Variants in WDR19 observed in about 807,000 individuals in gnomAD.
WDR19 encodes WD repeat-containing protein 19.
In WDR19, 121 loss-of-function variants were observed where a neutral mutation model predicts 180.0. The observed-to-expected ratio is 0.67, with a 90% confidence interval of 0.58 to 0.78. WDR19 has a LOEUF of 0.78. WDR19 is among the 30% of genes least tolerant of loss of function. The pLI, the probability that WDR19 is intolerant of heterozygous loss-of-function variation, is 0.00. For synonymous variants in WDR19, 497 were observed against 540.7 expected (o/e 0.92, Z 1.12); for missense variants, 1,450 against 1,640.7 (o/e 0.88, Z 2.01).
At chr4:39,256,222 A>G (rs564037558) in intron 27 of WDR19, among the ~76,000 whole-genome samples, 15 of 152,108 alleles carry the variant, frequency 9.9e-5, no homozygotes, top group Non-Finnish European at 2.1e-4. Flanking sequence ...GCTTCTGATT[A>G]TTGCAGTAGT....
At chr4:39,278,066 AAT>A in intron 34 of WDR19, 63 bp from the exon 35 acceptor site, 2 of 1,416,200 alleles carry the variant, frequency 1.4e-6, no homozygotes, top group Non-Finnish European at 9.6e-7. Flanking sequence ...AAAAAAAAAA[AAT>A]TGACTAACAG....
At chr4:39,215,293 TTTTCTTTGTTTCTTTC>T (rs1449213430) in intron 10 of WDR19, among the ~76,000 whole-genome samples, 3 of 145,366 alleles carry the variant, frequency 2.1e-5, no homozygotes, top group Non-Finnish European at 3.1e-5. Flanking sequence ...ATTTACTACC[TTTTCTTTGTTTCTTTC>T]TTTCTTTCTT....
At chr4:39,262,121 AGAT>A (rs1327358250) in intron 28 of WDR19, among the ~76,000 whole-genome samples, 1 of 152,226 alleles carries the variant, frequency 6.6e-6, no homozygotes, top group African/African-American at 2.4e-5. Flanking sequence ...AGGTGCCAGA[AGAT>A]GATATGACTA....
chr4:39,225,132 T>A, intron 15 of WDR19, 99 bp downstream of exon 15: 1 of 905,298 alleles, frequency 1.1e-6, no homozygotes, highest in Non-Finnish European at 1.5e-6. Context: ...TATTAATTAG[T>A]GCCAAGGATT....
At chr4:39,216,045 A>T in intron 11 of WDR19, 32 bp downstream of exon 11, 1 of 1,535,680 alleles carries the variant, frequency 6.5e-7, no homozygotes, top group Admixed American at 2.1e-5. Flanking sequence ...TCTTTTATTT[A>T]TTAATAAAAT....
intron 20 of WDR19, among the ~76,000 whole-genome samples, chr4:39,236,706 C>G (rs1156699733): frequency 6.6e-6 from 1 of 152,160 alleles, no homozygotes; most frequent in Non-Finnish European, 1.5e-5. Context: ...AAGCCAAAAA[C>G]TCTTCCCAGG....
At chr4:39,243,716 A>G (rs1391708491) in intron 21 of WDR19, among the ~76,000 whole-genome samples, 1 of 152,226 alleles carries the variant, frequency 6.6e-6, no homozygotes, top group Non-Finnish European at 1.5e-5. Flanking sequence ...TTCTGTCATC[A>G]CAGAAAGTTT....
At chr4:39,190,377 G>C (rs919525973) in intron 4 of WDR19, among the ~76,000 whole-genome samples, 2 of 152,158 alleles carry the variant, frequency 1.3e-5, no homozygotes, top group East Asian at 3.8e-4. Context: ...TGGGCAGACA[G>C]AATAAATGAC....
intron 24 of WDR19, among the ~76,000 whole-genome samples, chr4:39,251,814 T>C (rs1371506101): frequency 4.6e-5 from 7 of 152,138 alleles, no homozygotes; most frequent in Admixed American, 2.0e-4. Context: ...TGAGATACCA[T>C]CTCACACCAG....
chr4:39,185,962 C>G (rs1417296211), intron 2 of WDR19, 145 bp downstream of exon 2: 5 of 658,020 alleles, frequency 7.6e-6, no homozygotes, highest in Non-Finnish European at 1.2e-5. Flanking sequence ...GTGGCACGAT[C>G]TCAGCTTGCT....
intron 9 of WDR19, among the ~76,000 whole-genome samples, chr4:39,210,669 G>C (rs7690414): frequency 0.45 from 68,646 of 151,940 alleles, 18,649 homozygotes; most frequent in East Asian, 0.62. Context: ...GCAAGACCCT[G>C]TCTCAAAAAG....
At chr4:39,280,184 A>G (rs1268021361) in intron 36 of WDR19, among the ~76,000 whole-genome samples, 4 of 119,722 alleles carry the variant, frequency 3.3e-5, no homozygotes, top group African/African-American at 1.2e-4. Flanking sequence ...TTGGTCTCGA[A>G]CTCCTAGGCT....
chr4:39,247,169 C>T (rs1328537213), intron 24 of WDR19, among the ~76,000 whole-genome samples: 2 of 152,190 alleles, frequency 1.3e-5, no homozygotes, highest in Non-Finnish European at 2.9e-5. Flanking sequence ...TCCAGAGGAA[C>T]AATCAGGCAG....
intron 36 of WDR19, among the ~76,000 whole-genome samples, chr4:39,283,686 A>AGG (rs1251784805): frequency 6.6e-6 from 1 of 152,138 alleles, no homozygotes; most frequent in Non-Finnish European, 1.5e-5. Context: ...TGTCTTTTTA[A>AGG]AGGAAATTAT....
At chr4:39,274,715 CCT>C in intron 32 of WDR19, 91 bp from the exon 33 acceptor site, 1 of 1,446,390 alleles carries the variant, frequency 6.9e-7, no homozygotes, top group Non-Finnish European at 9.4e-7. Flanking sequence ...AGACCATGAC[CCT>C]GTTTTCCTAC....
intron 9 of WDR19, among the ~76,000 whole-genome samples, chr4:39,210,237 G>T (rs1728350554): frequency 6.6e-6 from 1 of 152,108 alleles, no homozygotes; most frequent in Non-Finnish European, 1.5e-5. Flanking sequence ...AAAAAGTACA[G>T]GTCAATATCT....
rs187441776 is a variant in WDR19 at position 39,219,989 on chromosome 4, C to T, written c.1479+1884C>T. ...ATCCCAGCATTTTGGGAGGCCGAGG[C>T]GGGTGGATTGCTTGAGCTTAGGAGT... On this transcript the variant is annotated intron_variant, in intron 14 of 36. Transcript: ENST00000399820. 1.6e-3 allele frequency among the ~76,000 whole-genome samples: 241 copies of T among 152,080 alleles called. 2 individuals are homozygous for T. Among genetic ancestry groups the T allele is most frequent in the Admixed American group, 0.01 (155 of 15,262 alleles).
chr4:39,213,759 C>T (rs964579723), intron 9 of WDR19, among the ~76,000 whole-genome samples: 4 of 152,040 alleles, frequency 2.6e-5, no homozygotes, highest in Non-Finnish European at 5.9e-5. Flanking sequence ...AAACTAGGGA[C>T]GTCGGAATAA....
At chr4:39,246,382 G>A (rs911756234) in intron 24 of WDR19, among the ~76,000 whole-genome samples, 3 of 152,156 alleles carry the variant, frequency 2.0e-5, no homozygotes, top group African/African-American at 7.2e-5. Flanking sequence ...GTGGAGCTAA[G>A]ATGGCCGAAT....
Sources: allele counts gnomAD v4.1 joint callset (sites outside exome capture counted in the v4.1 genomes callset), GRCh38; gene constraint gnomAD v4.1.1; transcripts MANE v1.5; gene names NCBI Gene and HGNC (gene_info 2026-07-23, HGNC 2026-07-21).